CCDC149: variants seen among roughly 807,000 people sequenced by gnomAD.
The protein encoded by CCDC149 is coiled-coil domain-containing protein 149.
In CCDC149, 45 loss-of-function variants were observed where a neutral mutation model predicts 59.9. The ratio of observed to expected loss-of-function variants is 0.75; its 90% CI spans 0.59 to 0.96. The LOEUF is 0.96. Ranked by LOEUF, CCDC149 falls within the 40% of genes least tolerant of loss-of-function variation. CCDC149 has a pLI of 0.00. For missense variants in CCDC149, 584 were observed against 664.7 expected (o/e 0.88, Z 1.33); for synonymous variants, 245 against 260.6 (o/e 0.94, Z 0.58).
At chr4:24,824,901 C>A (rs549679138) in intron 9 of CCDC149, among the ~76,000 whole-genome samples, 1 of 152,164 alleles carries the variant, frequency 6.6e-6, no homozygotes, top group Non-Finnish European at 1.5e-5. Context: ...TGGATGTGCC[C>A]GCAGTTGCTT....
intron 3 of CCDC149, among the ~76,000 whole-genome samples, chr4:24,868,079 G>A (rs150163034): frequency 1.8e-3 from 272 of 152,324 alleles, no homozygotes; most frequent in Non-Finnish European, 3.3e-3. Flanking sequence ...TTCCCCTGCT[G>A]TTCTGCCTTT....
At chr4:24,896,701 A>G (rs1486433009) in intron 1 of CCDC149, among the ~76,000 whole-genome samples, 2 of 152,182 alleles carry the variant, frequency 1.3e-5, no homozygotes, top group Non-Finnish European at 2.9e-5. Context: ...ATTGACTTAC[A>G]GTAAGTTCAT....
Position 24,876,709 on chromosome 4 carries a change from A to C in CCDC149, c.64-12T>G, listed in dbSNP as rs1227462050. 1 of 1,600,382 alleles carries C rather than the reference A, an allele frequency of 6.2e-7. No homozygotes were observed. The highest frequency in any genetic ancestry group is 1.3e-5 in the African/African-American group (1 of 74,802). On this transcript the variant is annotated splice_polypyrimidine_tract_variant and intron_variant, in intron 1 of 12. Transcript: ENST00000635206. ...TTACACACCAGGTACTGCAAAGCAA[A>C]CAAATCCAGGCAATGGGTCAAAAAC...
intron 1 of CCDC149, among the ~76,000 whole-genome samples, chr4:24,928,357 A>G (rs543006333): frequency 6.6e-6 from 1 of 152,358 alleles, no homozygotes; most frequent in Admixed American, 6.5e-5. Flanking sequence ...GAAGGAGAAG[A>G]TGGCGAAGGG....
At chr4:24,911,037 G>A (rs1721841533) in intron 1 of CCDC149, among the ~76,000 whole-genome samples, 1 of 152,154 alleles carries the variant, frequency 6.6e-6, no homozygotes, top group East Asian at 1.9e-4. Flanking sequence ...GAGAAACTCT[G>A]CTGGGATGGG....
At chr4:24,910,199 C>A (rs138339404) in intron 1 of CCDC149, among the ~76,000 whole-genome samples, 1 of 152,310 alleles carries the variant, frequency 6.6e-6, no homozygotes, top group East Asian at 1.9e-4. Context: ...CAATCTCTAC[C>A]TTTGTCTTCA....
intron 1 of CCDC149, among the ~76,000 whole-genome samples, chr4:24,882,569 T>A (rs1242742108): frequency 6.6e-6 from 1 of 152,212 alleles, no homozygotes; most frequent in East Asian, 1.9e-4. Flanking sequence ...TTCTGAAAAC[T>A]GAAAATGTGT....
At chr4:24,859,364 A>G (rs1718230418) in intron 3 of CCDC149, among the ~76,000 whole-genome samples, 1 of 152,258 alleles carries the variant, frequency 6.6e-6, no homozygotes, top group South Asian at 2.1e-4. Flanking sequence ...TCAATTTATG[A>G]TGGGTTTATC....
chr4:24,865,824 A>C (rs1408615948), intron 3 of CCDC149, among the ~76,000 whole-genome samples: 1 of 152,140 alleles, frequency 6.6e-6, no homozygotes, highest in Non-Finnish European at 1.5e-5. Flanking sequence ...GGGTGCTTCC[A>C]CCTTCCTTAC....
At chr4:24,805,400 C>G (rs1346468021), downstream of CCDC149, among the ~76,000 whole-genome samples, 1 of 152,150 alleles carries the variant, frequency 6.6e-6, no homozygotes, top group East Asian at 1.9e-4. Flanking sequence ...TAGCCCCTCC[C>G]CTTAACTCCA....
At chr4:24,829,012 T>A (rs575099379) in intron 9 of CCDC149, 2 of 152,494 alleles carry the variant, frequency 1.3e-5, no homozygotes, top group African/African-American at 4.8e-5. Flanking sequence ...TGCAGAGGCA[T>A]GTCAGGCCGA....
chr4:24,836,581 A>C, intron 6 of CCDC149, 73 bp from the exon 7 acceptor site: 1 of 947,940 alleles, frequency 1.1e-6, no homozygotes, highest in South Asian at 1.4e-5. Flanking sequence ...TATAAGGGGA[A>C]AAAACAAAAA....
At chr4:24,917,975 G>A (rs1577484834), upstream of CCDC149, among the ~76,000 whole-genome samples, 1 of 151,956 alleles carries the variant, frequency 6.6e-6, no homozygotes, top group African/African-American at 2.4e-5. Flanking sequence ...AAATAGAAAC[G>A]TCTGACTTGG....
At position 24,808,124 on chromosome 4, in the gene CCDC149, C is replaced by T. The variant is rs370636331; in HGVS notation, c.*265G>A. 14 of 313,366 alleles carry T rather than the reference C, an allele frequency of 4.5e-5. No homozygotes were observed. Among genetic ancestry groups the T allele is most frequent in the African/African-American group, 1.9e-4 (9 of 47,026 alleles). 19.4% of individuals were successfully genotyped at this position (313,366 alleles called of 1,614,324 possible). On this transcript the variant is annotated 3_prime_UTR_variant, in exon 13 of 13. Coordinates refer to ENST00000635206, the MANE Select transcript of CCDC149 (RefSeq NM_001330643.2). ...CTGAAAACCAGCCATATGGTGGACA[C>T]GATTCCTGGGCCTGGCCCTGTTCAC...
chr4:24,912,113 G>A (rs1577480322), intron 1 of CCDC149, among the ~76,000 whole-genome samples: 1 of 152,310 alleles, frequency 6.6e-6, no homozygotes, highest in East Asian at 1.9e-4. Context: ...CTCTTAGGGG[G>A]AACTGAAGAG....
At chr4:24,839,106 C>T (rs775715728) in intron 4 of CCDC149, among the ~76,000 whole-genome samples, 3 of 149,548 alleles carry the variant, frequency 2.0e-5, no homozygotes, top group Non-Finnish European at 4.4e-5. Flanking sequence ...AGAAAATGAC[C>T]AAATGCACCC....
intron 1 of CCDC149, among the ~76,000 whole-genome samples, chr4:24,963,418 G>T (rs1723703175): frequency 1.3e-5 from 2 of 152,194 alleles, no homozygotes; most frequent in South Asian, 4.2e-4. Context: ...AAGGCAGTTT[G>T]GGTAGTCGCC....
At chr4:24,948,014 G>A (rs761127613) in intron 1 of CCDC149, among the ~76,000 whole-genome samples, 1 of 152,186 alleles carries the variant, frequency 6.6e-6, no homozygotes, top group South Asian at 2.1e-4. Context: ...GGCTTGAAGG[G>A]ATAGGGAGAG....
intron 1 of CCDC149, among the ~76,000 whole-genome samples, chr4:24,963,425 C>T (rs962359853): frequency 2.6e-5 from 4 of 152,110 alleles, no homozygotes; most frequent in Non-Finnish European, 4.4e-5. Flanking sequence ...TTTGGGTAGT[C>T]GCCACTAGGA....
Sources: allele counts gnomAD v4.1 joint callset (sites outside exome capture counted in the v4.1 genomes callset), GRCh38; gene constraint gnomAD v4.1.1; transcripts MANE v1.5; gene names NCBI Gene and HGNC (gene_info 2026-07-23, HGNC 2026-07-21).